MDGA2: variants seen among roughly 807,000 people sequenced by gnomAD.
The protein encoded by MDGA2 is MAM domain containing glycosylphosphatidylinositol anchor 2.
Under a neutral mutation model 117.8 loss-of-function variants are expected in MDGA2, and 40 were observed. That is an observed-to-expected ratio of 0.34 (90% CI 0.26 to 0.44). MDGA2 has a LOEUF of 0.44. Among genes scored for constraint, MDGA2 ranks in the 20% least tolerant of loss-of-function variants. The pLI, the probability that MDGA2 is intolerant of heterozygous loss-of-function variation, is 1.00. For missense variants in MDGA2, 1,123 were observed against 1,250.6 expected (o/e 0.90, Z 1.54); for synonymous variants, 452 against 439.0 (o/e 1.03, Z -0.37).
chr14:47,632,764 G>T (rs1177878288), intron 1 of MDGA2, among the ~76,000 whole-genome samples: 7 of 151,050 alleles, frequency 4.6e-5, no homozygotes, highest in Admixed American at 4.6e-4. Flanking sequence ...TTTTTTTGAG[G>T]GGGGGGCTCT....
At chr14:47,424,589 T>G (rs17118616) in intron 1 of MDGA2, among the ~76,000 whole-genome samples, 97,955 of 151,852 alleles carry the variant, frequency 0.65, 31,743 homozygotes, top group South Asian at 0.74. Flanking sequence ...TGAGGATGGT[T>G]ATTCTGATTA....
At chr14:47,163,300 C>T (rs533901977) in intron 3 of MDGA2, among the ~76,000 whole-genome samples, 73 of 152,270 alleles carry the variant, frequency 4.8e-4, no homozygotes, top group Admixed American at 2.5e-3. Context: ...CTCTACTATG[C>T]GCATGGCAAG....
intron 7 of MDGA2, among the ~76,000 whole-genome samples, chr14:47,051,712 C>T (rs990277478): frequency 3.3e-5 from 5 of 151,862 alleles, no homozygotes; most frequent in African/African-American, 1.2e-4. Flanking sequence ...CTCTCTGTTG[C>T]TAAGAGGTCT....
rs1038915463 is a variant in MDGA2, at chr14:46,841,757, C to T, written c.*174G>A. 1 of 470,764 alleles carries T rather than the reference C, an allele frequency of 2.1e-6. No individual in the cohort carries two copies. The highest frequency in any genetic ancestry group is 3.7e-5 in the Admixed American group (1 of 26,910). 29.2% of individuals were successfully genotyped at this position (470,764 alleles called of 1,614,324 possible). On this transcript the variant is annotated 3_prime_UTR_variant, in exon 17 of 17. Coordinates refer to ENST00000399232, the MANE Select transcript of MDGA2 (RefSeq NM_001113498.3). ...GTTTAGTCTGGAATAAGTTATACTTCCATGATGTCTTTTTATCCCCAGTGC... is the reference window on the plus strand; with the variant it reads ...GTTTAGTCTGGAATAAGTTATACTTTCATGATGTCTTTTTATCCCCAGTGC...
At chr14:47,661,897 G>A (rs1369042631) in intron 1 of MDGA2, among the ~76,000 whole-genome samples, 2 of 151,852 alleles carry the variant, frequency 1.3e-5, no homozygotes, top group African/African-American at 2.4e-5. Context: ...CACTACGCCC[G>A]GCTAATTTTT....
At chr14:47,050,133 C>G (rs757468828) in intron 7 of MDGA2, among the ~76,000 whole-genome samples, 1 of 152,044 alleles carries the variant, frequency 6.6e-6, no homozygotes, top group Non-Finnish European at 1.5e-5. Flanking sequence ...CACTGAAAGA[C>G]TGTGTGTTCT....
At chr14:47,549,069 T>G (rs796740384) in intron 1 of MDGA2, among the ~76,000 whole-genome samples, 2 of 152,196 alleles carry the variant, frequency 1.3e-5, no homozygotes, top group African/African-American at 4.8e-5. Context: ...TAGTGACAAA[T>G]CAGTGAGGAT....
chr14:47,079,745 T>TTTTTTTTTTTTTTTG (rs1566611970), intron 6 of MDGA2, among the ~76,000 whole-genome samples: 7 of 140,256 alleles, frequency 5.0e-5, no homozygotes, highest in African/African-American at 1.9e-4. Context: ...TTTTTTTTTT[T>TTTTTTTTTTTTTTTG]TTTTGAGACA....
chr14:47,009,112 G>A (rs1160502186), intron 8 of MDGA2, among the ~76,000 whole-genome samples: 1 of 151,934 alleles, frequency 6.6e-6, no homozygotes, highest in Non-Finnish European at 1.5e-5. Flanking sequence ...TCATTCGATA[G>A]ATAAATAAAA....
chr14:47,004,379 T>C (rs1887638519), intron 8 of MDGA2, among the ~76,000 whole-genome samples: 1 of 151,830 alleles, frequency 6.6e-6, no homozygotes, highest in African/African-American at 2.4e-5. Context: ...GTAATAACCA[T>C]ATATATCCAC....
At chr14:47,501,030 T>C (rs2138672626) in intron 1 of MDGA2, among the ~76,000 whole-genome samples, 1 of 152,254 alleles carries the variant, frequency 6.6e-6, no homozygotes, top group Non-Finnish European at 1.5e-5. Context: ...AGGGTAACCA[T>C]CCCTGAAACC....
intron 1 of MDGA2, among the ~76,000 whole-genome samples, chr14:47,592,987 A>T (rs1341259931): frequency 6.6e-6 from 1 of 152,172 alleles, no homozygotes; most frequent in African/African-American, 2.4e-5. Flanking sequence ...CAATCTATCC[A>T]TCTGACAAAG....
intron 1 of MDGA2, among the ~76,000 whole-genome samples, chr14:47,619,136 C>T (rs2138922610): frequency 7.5e-6 from 1 of 132,726 alleles, no homozygotes; most frequent in Middle Eastern, 3.9e-3. Context: ...CACACACACA[C>T]ACACACACAC....
intron 14 of MDGA2, among the ~76,000 whole-genome samples, chr14:46,868,182 T>C (rs528381989): frequency 6.6e-6 from 1 of 152,026 alleles, no homozygotes; most frequent in African/African-American, 2.4e-5. Context: ...TAGGTATACA[T>C]ATCAGGAGTT....
chr14:47,503,683 C>G (rs904620552), intron 1 of MDGA2, among the ~76,000 whole-genome samples: 4 of 152,116 alleles, frequency 2.6e-5, no homozygotes, highest in African/African-American at 9.7e-5. Flanking sequence ...AGATTACAGG[C>G]GTGAGCCACT....
At chr14:46,909,119 T>G (rs901493501) in intron 10 of MDGA2, among the ~76,000 whole-genome samples, 2 of 152,212 alleles carry the variant, frequency 1.3e-5, no homozygotes, top group African/African-American at 2.4e-5. Context: ...GGATATTTTC[T>G]GTCTGGTGCA....
At chr14:47,529,371 T>A (rs1303322886) in intron 1 of MDGA2, among the ~76,000 whole-genome samples, 1 of 152,174 alleles carries the variant, frequency 6.6e-6, no homozygotes, top group Non-Finnish European at 1.5e-5. Flanking sequence ...ACATAGCAGG[T>A]ATATATATTT....
intron 1 of MDGA2, among the ~76,000 whole-genome samples, chr14:47,513,100 T>C (rs960678042): frequency 9.9e-5 from 15 of 152,198 alleles, no homozygotes; most frequent in African/African-American, 3.6e-4. Context: ...TTCTAACAAA[T>C]CTAAAATACT....
chr14:47,070,856 C>T (rs1394305477), intron 6 of MDGA2, among the ~76,000 whole-genome samples: 1 of 152,254 alleles, frequency 6.6e-6, no homozygotes, highest in Non-Finnish European at 1.5e-5. Context: ...GATCCGCCTG[C>T]CTCGGCCTTC....
Sources: allele counts gnomAD v4.1 joint callset (sites outside exome capture counted in the v4.1 genomes callset), GRCh38; gene constraint gnomAD v4.1.1; transcripts MANE v1.5; gene names NCBI Gene and HGNC (gene_info 2026-07-23, HGNC 2026-07-21).